The following CCT2 variants were observed in gnomAD, a reference collection of about 807,000 sequenced individuals.
The protein encoded by CCT2 is chaperonin containing TCP1 subunit 2.
CCT2 carries 18 observed loss-of-function variants against 61.8 expected under a neutral mutation model. The observed-to-expected ratio is 0.29, with a 90% confidence interval of 0.20 to 0.43. The LOEUF is 0.43. Ranked by LOEUF, CCT2 falls within the 20% of genes least tolerant of loss-of-function variation. The pLI is 1.00. For synonymous variants in CCT2, 248 were observed against 215.9 expected (o/e 1.15, Z -1.30); for missense variants, 556 against 656.9 (o/e 0.85, Z 1.68).
chr12:69,593,535 C>A lies in CCT2; in HGVS notation c.904C>A (p.Gln302Lys). Residue 302 changes from glutamine (Q) to lysine (K), a missense_variant, in exon 10 of 16, where the codon CAG becomes AAG. Physicochemically the swap from Gln to Lys is moderately conservative, Grantham distance 53 (BLOSUM62 1). Transcript: ENST00000299300. ...GCAATTAATTTATAATTATCCTGAA[C>A]AGCTCTTTGGTGCTGCTGGTGTCAT... ...NRQLIYNYPEQLFGAAGVMAI... is the reference protein window; with the variant it reads ...NRQLIYNYPEKLFGAAGVMAI... The A allele has an allele frequency of 1.2e-6, 2 of 1,611,584 alleles. No individual in the cohort carries two copies. The highest frequency in any genetic ancestry group is 8.5e-7 in the Non-Finnish European group (1 of 1,178,146).
intron 7 of CCT2, 193 bp downstream of exon 7, chr12:69,589,880 A>T (rs143306930): frequency 2.4e-4 from 144 of 588,448 alleles, no homozygotes; most frequent in African/African-American, 2.3e-3. Flanking sequence ...AGCATTGTTG[A>T]TGATCTCTAG....
chr12:69,585,582 C>T, intron 1 of CCT2, 58 bp downstream of exon 1: 2 of 1,556,894 alleles, frequency 1.3e-6, no homozygotes, highest in South Asian at 1.2e-5. Flanking sequence ...TCTTGCCACC[C>T]CACTGCTTCC....
rs575870766 is a variant in CCT2, at chr12:69,587,933, T to C, written c.260T>C (p.Met87Thr). The C allele has an allele frequency of 3.0e-5, 49 of 1,610,070 alleles. 1 individual carries two copies. The Middle Eastern group carries it at 8.3e-4, about 27-fold the overall frequency. The change falls in exon 5 of 16, where the codon ATG becomes ACG. Residue 87 changes from methionine to threonine, a missense_variant. Met to Thr is a moderately conservative substitution (Grantham distance 81). Coordinates refer to ENST00000299300, the MANE Select transcript of CCT2 (RefSeq NM_006431.3). ...AATAACTAATTTCTTTTTCTAGATA[T>C]GTCAAGGGTTCAAGATGATGAAGTT... Reference protein sequence around the residue: ...DNPAAKVLVDMSRVQDDEVGD... With the variant: ...DNPAAKVLVDTSRVQDDEVGD...
At position 69,593,974 on chromosome 12, in the gene CCT2, C is replaced by A. The variant is rs79942037; in HGVS notation, c.982+361C>A. On this transcript the variant is annotated intron_variant, in intron 10 of 15. Transcript: ENST00000299300. Reference sequence around the variant, plus strand: ...GCAACATTGCGAACCCACATCCCTACAAAAAAAAAAAATTGGCCAGGTGTG... The same window carrying A: ...GCAACATTGCGAACCCACATCCCTAAAAAAAAAAAAAATTGGCCAGGTGTG... 5.1e-3 allele frequency among the ~76,000 whole-genome samples: 733 copies of A among 142,496 alleles called. 7 individuals carry two copies. Among genetic ancestry groups the A allele is most frequent in the African/African-American group, 0.018 (698 of 38,938 alleles). The allele number at this position is 142,496 out of a possible 152,430, so 93.5% of individuals were successfully genotyped here. A position where few individuals can be genotyped will look rare whatever the true frequency, so the allele number is the denominator to read the frequency against.
chr12:69,593,163 T>G, intron 9 of CCT2, 60 bp downstream of exon 9: 4 of 1,420,896 alleles, frequency 2.8e-6, no homozygotes, highest in Non-Finnish European at 3.9e-6. Flanking sequence ...ATACTTCATA[T>G]TTACTTATAT....
chr12:69,592,923 ATC>A, intron 8 of CCT2, 51 bp from the exon 9 acceptor site: 1 of 1,578,392 alleles, frequency 6.3e-7, no homozygotes, highest in Non-Finnish European at 8.6e-7. Context: ...GCGAGACTCA[ATC>A]TCAAAAAAAA....
At chr12:69,591,849 T>C (rs1471357835) in intron 7 of CCT2, among the ~76,000 whole-genome samples, 1 of 151,916 alleles carries the variant, frequency 6.6e-6, no homozygotes, top group Non-Finnish European at 1.5e-5. Flanking sequence ...CTAAAATCCA[T>C]GGCTTTCAGG....
In CCT2 at chr12:69,599,911, A is replaced by C; in HGVS notation, c.1484A>C (p.Glu495Ala). ...IGDMAILGITESFQVKRQVLL... is the reference protein window; with the variant it reads ...IGDMAILGITASFQVKRQVLL... Reference sequence around the variant, plus strand: ...GATATGGCTATCCTGGGTATAACAGAAAGTTTTCAAGTGAAGCGACAGGTT... The same window carrying C: ...GATATGGCTATCCTGGGTATAACAGCAAGTTTTCAAGTGAAGCGACAGGTT... The change falls in exon 15 of 16, where the codon GAA becomes GCA. Residue 495 changes from glutamate to alanine, a missense_variant. Transcript: ENST00000299300. 6.2e-7 allele frequency: 1 copy of C among 1,613,988 alleles called. No homozygotes were observed. The highest frequency in any genetic ancestry group is 1.3e-5 in the African/African-American group (1 of 75,048).
chr12:69,586,692 A>G, intron 2 of CCT2, 61 bp from the exon 3 acceptor site: 1 of 1,212,858 alleles, frequency 8.2e-7, no homozygotes, highest in Non-Finnish European at 1.2e-6. Flanking sequence ...GTAAATAAAG[A>G]TAAAACTGTA....
chr12:69,599,093 T>C (rs1444170381), intron 14 of CCT2, among the ~76,000 whole-genome samples: 1 of 152,214 alleles, frequency 6.6e-6, no homozygotes, highest in Non-Finnish European at 1.5e-5. Context: ...GTTATTACTA[T>C]TATTATAACT....
rs1234415498 is a variant in CCT2, at chr12:69,586,547, A to C, written c.78+203A>C. Among the ~76,000 whole-genome samples, 5 of 152,106 alleles carry C rather than the reference A, an allele frequency of 3.3e-5. No homozygotes were observed. In the South Asian group the frequency reaches 8.3e-4, roughly 25 times the overall value. ...GCCGGGCGTGGTGATGGGCACCTGT[A>C]ATCCCAGCTACTCGGGAGGCTGAGG... On this transcript the variant is annotated intron_variant, in intron 2 of 15. Transcript: ENST00000299300.
Position 69,597,272 on chromosome 12 carries a change from C to G in CCT2, c.1099C>G (p.Leu367Val). ...DKLIHFSGVA[L>V]GEACTIVLRG... ...ACTCATTCACTTTTCTGGGGTTGCC[C>G]TTGGTGAGTGATTATGTAGATCCTG... Residue 367 changes from leucine to valine, a missense_variant, in exon 11 of 16, where the codon CTT becomes GTT. This residue lies in a region of CCT2 where 225 missense variants were observed against 249.8 expected (regional missense o/e 0.90). Transcript: ENST00000299300. 6.2e-7 allele frequency: 1 copy of G among 1,613,676 alleles called. No homozygotes were observed. The highest frequency in any genetic ancestry group is 1.1e-5 in the South Asian group (1 of 91,004).
chr12:69,586,206 C>T, intron 1 of CCT2, 64 bp from the exon 2 acceptor site: 1 of 1,254,336 alleles, frequency 8.0e-7, no homozygotes, highest in Non-Finnish European at 1.2e-6. Context: ...TAGTGGAAGG[C>T]ACCTCAGTGT....
intron 10 of CCT2, among the ~76,000 whole-genome samples, chr12:69,593,954 A>T (rs1881911119): frequency 6.6e-6 from 1 of 151,398 alleles, no homozygotes; most frequent in Non-Finnish European, 1.5e-5. Context: ...CTTTGGCAAC[A>T]TTGCGAACCC....
intron 10 of CCT2, among the ~76,000 whole-genome samples, chr12:69,593,962 C>G (rs1395047453): frequency 2.0e-5 from 3 of 151,170 alleles, no homozygotes; most frequent in Admixed American, 6.6e-5. Context: ...ACATTGCGAA[C>G]CCACATCCCT....
At chr12:69,587,776 T>C in intron 4 of CCT2, 154 bp from the exon 5 acceptor site, 1 of 740,752 alleles carries the variant, frequency 1.3e-6, no homozygotes, top group East Asian at 2.7e-5. Flanking sequence ...AGTGCCCGTA[T>C]GTTGGTGGTA....
chr12:69,601,254 C>G, intron 15 of CCT2, 41 bp from the exon 16 acceptor site: 1 of 1,495,136 alleles, frequency 6.7e-7, no homozygotes, highest in Non-Finnish European at 9.1e-7. Flanking sequence ...TAAAATCATG[C>G]TCTTCATTTT....
At position 69,600,011 on chromosome 12, in the gene CCT2, T is replaced by C. The variant is rs1229048606; in HGVS notation, c.1577+7T>C. 1 of 1,594,808 alleles carries C rather than the reference T, an allele frequency of 6.3e-7. No individual in the cohort carries two copies. Among genetic ancestry groups the C allele is most frequent in the Admixed American group, 1.8e-5 (1 of 55,116 alleles). ...TCATCAAAGCGGCACCCAGGTACCC[T>C]AACACTTTTCTCAGAAAAAATTACT... On this transcript the variant is annotated splice_region_variant and intron_variant, in intron 15 of 15. Transcript: ENST00000299300.
At chr12:69,591,891 A>G (rs115607551) in intron 7 of CCT2, among the ~76,000 whole-genome samples, 168 bp from the exon 8 acceptor site, 297 of 152,308 alleles carry the variant, frequency 1.9e-3, no homozygotes, top group African/African-American at 6.9e-3. Flanking sequence ...ACAACAACAG[A>G]ATAAGGCAGG....
Sources: allele counts gnomAD v4.1 joint callset (sites outside exome capture counted in the v4.1 genomes callset), GRCh38; gene constraint gnomAD v4.1.1; regional missense constraint gnomAD v4.1.1; transcripts MANE v1.5; gene names NCBI Gene and HGNC (gene_info 2026-07-23, HGNC 2026-07-21).